Variants in HNF1B observed in about 807,000 individuals in gnomAD.
The protein encoded by HNF1B is hepatocyte nuclear factor 1-beta.
In HNF1B, 8 loss-of-function variants were observed where a neutral mutation model predicts 61.7. That is an observed-to-expected ratio of 0.13 (90% confidence interval 0.08 to 0.23). The LOEUF is 0.23. Among genes scored for constraint, HNF1B ranks in the 10% least tolerant of loss-of-function variants. HNF1B has a pLI of 1.00. For missense variants in HNF1B, 562 were observed against 714.5 expected (o/e 0.79, Z 2.43); for synonymous variants, 314 against 287.7 (o/e 1.09, Z -0.93).
chr17:37,695,783 G>A (rs1398151574), intron 8 of HNF1B, among the ~76,000 whole-genome samples: 1 of 152,214 alleles, frequency 6.6e-6, no homozygotes, highest in Non-Finnish European at 1.5e-5. Flanking sequence ...GGATGGGAAC[G>A]TCTGCCCAAT....
At chr17:37,737,826 C>T (rs1233576862) in intron 2 of HNF1B, among the ~76,000 whole-genome samples, 1 of 152,044 alleles carries the variant, frequency 6.6e-6, no homozygotes, top group Non-Finnish European at 1.5e-5. Context: ...CAGAGCGAGA[C>T]CCCGTCTCAA....
chr17:37,686,910 A>C lies in HNF1B; in HGVS notation c.*462T>G. The stretch of plus-strand genomic sequence containing the variant: ...CCATTGGACAAATTTACTTCTTTAA[A>C]AGAAATCTCAAGATCATTTGGGATG... On this transcript the variant is annotated 3_prime_UTR_variant, in exon 9 of 9. Transcript: ENST00000617811. 3.1e-6 allele frequency: 1 copy of C among 324,406 alleles called. No individual in the cohort carries two copies. Among genetic ancestry groups the C allele is most frequent in the Non-Finnish European group, 5.9e-6 (1 of 168,596 alleles). 20.1% of individuals were successfully genotyped at this position (324,406 alleles called of 1,614,324 possible).
chr17:37,712,354 C>A (rs1331517344), intron 4 of HNF1B, among the ~76,000 whole-genome samples: 1 of 152,166 alleles, frequency 6.6e-6, no homozygotes, highest in African/African-American at 2.4e-5. Flanking sequence ...AAGTCAACAG[C>A]CGGTGCCCAG....
At chr17:37,724,143 T>G (rs1407530604) in intron 4 of HNF1B, among the ~76,000 whole-genome samples, 1 of 152,144 alleles carries the variant, frequency 6.6e-6, no homozygotes, top group Non-Finnish European at 1.5e-5. Flanking sequence ...TCCCAGACCA[T>G]CCTCTTCAAC....
chr17:37,744,886 T>C lies in HNF1B; in HGVS notation c.-2A>G. 2 of 1,595,018 alleles carry C rather than the reference T, an allele frequency of 1.3e-6. No homozygotes were observed. The highest frequency in any genetic ancestry group is 1.7e-6 in the Non-Finnish European group (2 of 1,168,802). On this transcript the variant is annotated 5_prime_UTR_variant, in exon 1 of 9. Coordinates refer to ENST00000617811, the MANE Select transcript of HNF1B (RefSeq NM_000458.4). ...GAGCGACGTGAGCTTGGACACCATT[T>C]TCCAAGGACGGAAAAAGAAGGGGGT...
At position 37,744,565 on chromosome 17, in the gene HNF1B, C is replaced by T. The variant is rs970826378; in HGVS notation, c.320G>A (p.Arg107Gln). The change falls in exon 1 of 9, where the codon CGG becomes CAG. Residue 107 changes from arginine to glutamine, a missense_variant. Arg to Gln is a conservative substitution (Grantham distance 43). Coordinates refer to ENST00000617811, the MANE Select transcript of HNF1B (RefSeq NM_000458.4). ...CCTGAGCATCCGGTCCACCTCCGCC[C>T]GCTGCTCCGCCGCCTCCTCGGTGTT... The part of the protein sequence containing the change: ...ALNTEEAAEQ[R>Q]AEVDRMLSED... 1.2e-6 allele frequency: 2 copies of T among 1,604,732 alleles called. No homozygotes were observed. The highest frequency in any genetic ancestry group is 1.7e-6 in the Non-Finnish European group (2 of 1,179,894).
chr17:37,734,737 C>G (rs537301141), intron 2 of HNF1B, among the ~76,000 whole-genome samples: 1 of 151,758 alleles, frequency 6.6e-6, no homozygotes, highest in Non-Finnish European at 1.5e-5. Context: ...AGCAAAGACA[C>G]GTAATACATT....
intron 6 of HNF1B, among the ~76,000 whole-genome samples, chr17:37,702,295 G>A (rs1245856752): frequency 3.9e-5 from 6 of 152,164 alleles, no homozygotes; most frequent in Admixed American, 3.9e-4. Flanking sequence ...AGATAACACG[G>A]AGTCCTCAAC....
chr17:37,724,754 A>G (rs557584415), intron 4 of HNF1B, among the ~76,000 whole-genome samples: 1 of 152,302 alleles, frequency 6.6e-6, no homozygotes, highest in East Asian at 1.9e-4. Flanking sequence ...AGTACTTAAT[A>G]GTTACTATCT....
rs1568627757 is a variant in HNF1B at position 37,686,716 on chromosome 17, C to T, written c.*656G>A. On this transcript the variant is annotated 3_prime_UTR_variant, in exon 9 of 9. Transcript: ENST00000617811. ...CGGGAGAGGACAAGGGGCTTCACTT[C>T]CCACTTAGGATGTTTCTCCATGAGG... 1 of 172,618 alleles carries T rather than the reference C, an allele frequency of 5.8e-6. No individual in the cohort carries two copies. Among genetic ancestry groups the T allele is most frequent in the Non-Finnish European group, 1.3e-5 (1 of 78,630 alleles). The allele number at this position is 172,618 out of a possible 1,614,324, so 10.7% of individuals were successfully genotyped here. A position where few individuals can be genotyped will look rare whatever the true frequency, so the allele number is the denominator to read the frequency against.
intron 8 of HNF1B, among the ~76,000 whole-genome samples, chr17:37,695,326 T>G (rs1422251119): frequency 6.6e-6 from 1 of 151,786 alleles, no homozygotes; most frequent in African/African-American, 2.4e-5. Context: ...AATGCAAGAG[T>G]GAAGGAGGTT....
At chr17:37,708,721 A>G (rs2032833377) in intron 5 of HNF1B, among the ~76,000 whole-genome samples, 1 of 152,182 alleles carries the variant, frequency 6.6e-6, no homozygotes, top group Non-Finnish European at 1.5e-5. Context: ...GGTTCTTCAC[A>G]TGGAGAAGAA....
At chr17:37,687,860 ATG>A (rs1383831677) in intron 8 of HNF1B, among the ~76,000 whole-genome samples, 3 of 152,112 alleles carry the variant, frequency 2.0e-5, no homozygotes. Context: ...GCCTGTGAAA[ATG>A]TGGATTCTGG....
chr17:37,731,742 A>G lies in HNF1B; in HGVS notation c.898T>C (p.Phe300Leu). The G allele has an allele frequency of 6.2e-7, 1 of 1,613,818 alleles. No individual in the cohort carries two copies. The highest frequency in any genetic ancestry group is 8.5e-7 in the Non-Finnish European group (1 of 1,179,962). Residue 300 changes from phenylalanine (F) to leucine (L), a missense_variant, in exon 4 of 9, where the codon TTT becomes CTT. Phe to Leu is a conservative substitution (Grantham distance 22). Around this residue, in one of 6 missense-constraint regions of HNF1B, gnomAD observed 54 missense variants for 122.1 expected, o/e 0.44. Coordinates refer to ENST00000617811, the MANE Select transcript of HNF1B (RefSeq NM_000458.4). ...GCCTCCTCCTTCCTGCGGTTTGCAAACCAGTTGTAGACACGGACCTCAGTG... is the reference window on the plus strand; with the variant it reads ...GCCTCCTCCTTCCTGCGGTTTGCAAGCCAGTTGTAGACACGGACCTCAGTG... ...LVTEVRVYNW[F>L]ANRRKEEAFR...
At chr17:37,709,625 A>C (rs1275480604) in intron 5 of HNF1B, among the ~76,000 whole-genome samples, 1 of 152,184 alleles carries the variant, frequency 6.6e-6, no homozygotes, top group Non-Finnish European at 1.5e-5. Flanking sequence ...CTAAACTTGC[A>C]TCTGGGTGTG....
chr17:37,729,058 CTT>C, intron 4 of HNF1B: 1 of 152,322 alleles, frequency 6.6e-6, no homozygotes, highest in East Asian at 1.9e-4. Context: ...GGAAAGGTGT[CTT>C]TATACATTCA....
intron 5 of HNF1B, among the ~76,000 whole-genome samples, chr17:37,708,748 G>A (rs965886275): frequency 6.6e-6 from 1 of 152,210 alleles, no homozygotes; most frequent in African/African-American, 2.4e-5. Flanking sequence ...TTAAGGGATA[G>A]GTGGGAGTAG....
At chr17:37,724,604 T>C (rs1324537189) in intron 4 of HNF1B, among the ~76,000 whole-genome samples, 2 of 152,190 alleles carry the variant, frequency 1.3e-5, no homozygotes, top group African/African-American at 4.8e-5. Context: ...ATGTGAAAAT[T>C]ATATGAAATT....
At chr17:37,732,928 G>C (rs919895829) in intron 3 of HNF1B, among the ~76,000 whole-genome samples, 1 of 149,626 alleles carries the variant, frequency 6.7e-6, no homozygotes, top group African/African-American at 2.5e-5. Flanking sequence ...CAATCCTCCC[G>C]CCTCGGCCTC....
Sources: allele counts gnomAD v4.1 joint callset (sites outside exome capture counted in the v4.1 genomes callset), GRCh38; gene constraint gnomAD v4.1.1; regional missense constraint gnomAD v4.1.1; transcripts MANE v1.5; gene names NCBI Gene and HGNC (gene_info 2026-07-23, HGNC 2026-07-21).